OPTN: variants seen among roughly 807,000 people sequenced by gnomAD.
The protein encoded by OPTN is optineurin, also known as E3-14.7K-interacting protein.
Under a neutral mutation model 70.4 loss-of-function variants are expected in OPTN, and 54 were observed. The observed-to-expected ratio is 0.77, with a 90% confidence interval of 0.62 to 0.96. The LOEUF is 0.96. Among genes scored for constraint, OPTN ranks in the 40% least tolerant of loss-of-function variants. The pLI, the probability that OPTN is intolerant of heterozygous loss-of-function variation, is 0.00. For synonymous variants in OPTN, 256 were observed against 248.5 expected, an observed-to-expected ratio of 1.03 and a Z score of -0.28; for missense variants, 624 against 673.2, an observed-to-expected ratio of 0.93 and a Z score of 0.81.
intron 7 of OPTN, among the ~76,000 whole-genome samples, chr10:13,120,444 C>T (rs192350438): frequency 6.6e-6 from 1 of 151,906 alleles, no homozygotes; most frequent in Non-Finnish European, 1.5e-5. Flanking sequence ...GTTGCCTAAC[C>T]CAAGGTCACA....
At chr10:13,132,783 A>C (rs1479680283) in intron 13 of OPTN, among the ~76,000 whole-genome samples, 1 of 152,248 alleles carries the variant, frequency 6.6e-6, no homozygotes. Context: ...AATACTAACA[A>C]AAATTACTTC....
intron 12 of OPTN, among the ~76,000 whole-genome samples, chr10:13,129,554 C>T (rs1436677712): frequency 2.8e-5 from 4 of 142,982 alleles, no homozygotes; most frequent in East Asian, 2.1e-4. Context: ...AGTTTCACCA[C>T]GTTAGCCATG....
intron 1 of OPTN, among the ~76,000 whole-genome samples, chr10:13,103,900 T>C (rs1021735703): frequency 6.6e-6 from 1 of 152,222 alleles, no homozygotes; most frequent in Non-Finnish European, 1.5e-5. Context: ...TAATTCATCC[T>C]TCCATCATTA....
chr10:13,115,106 ATATATAT>A (rs1310084951), intron 5 of OPTN, among the ~76,000 whole-genome samples: 2 of 91,840 alleles, frequency 2.2e-5, no homozygotes, highest in African/African-American at 9.7e-5. Context: ...ATATATTTTT[ATATATAT>A]TATATATATA....
chr10:13,109,506 T>A, intron 3 of OPTN: 1 of 555,174 alleles, frequency 1.8e-6, no homozygotes, highest in Non-Finnish European at 3.2e-6. Flanking sequence ...CTCAAGGAAG[T>A]AGCATAATGA....
intron 3 of OPTN, chr10:13,109,671 T>TA (rs34623086): frequency 0.55 from 71,436 of 130,730 alleles, 18,263 homozygotes; most frequent in Non-Finnish European, 0.58. Flanking sequence ...ACAAAAAAAT[T>TA]AAAAAAAAAA....
intron 4 of OPTN, among the ~76,000 whole-genome samples, chr10:13,111,475 A>T (rs1413921964): frequency 6.6e-6 from 1 of 152,156 alleles, no homozygotes; most frequent in Non-Finnish European, 1.5e-5. Context: ...GGGTGGGCAG[A>T]TCACCTGAGG....
intron 5 of OPTN, among the ~76,000 whole-genome samples, chr10:13,114,843 T>G (rs1418880921): frequency 1.8e-5 from 1 of 54,226 alleles, no homozygotes; most frequent in African/African-American, 6.5e-5. Flanking sequence ...TATAATTATA[T>G]AATTGTATAA....
chr10:13,117,565 C>A (rs1454358886), intron 6 of OPTN, among the ~76,000 whole-genome samples: 3 of 151,516 alleles, frequency 2.0e-5, no homozygotes, highest in Non-Finnish European at 4.4e-5. Flanking sequence ...CCTGCCTCAG[C>A]CTTCCGAGTA....
chr10:13,115,147 TC>T (rs1442193165), intron 5 of OPTN, among the ~76,000 whole-genome samples: 1 of 101,520 alleles, frequency 9.9e-6, no homozygotes, highest in Non-Finnish European at 1.8e-5. Flanking sequence ...TATAGATATA[TC>T]TATATATTTA....
chr10:13,105,193 A>G (rs1588430530), intron 1 of OPTN, among the ~76,000 whole-genome samples: 1 of 152,148 alleles, frequency 6.6e-6, no homozygotes, highest in Non-Finnish European at 1.5e-5. Flanking sequence ...ATGACATTTG[A>G]ATTACAAAAT....
At chr10:13,120,149 A>ATT (rs1348589065) in intron 7 of OPTN, among the ~76,000 whole-genome samples, 2 of 144,754 alleles carry the variant, frequency 1.4e-5, no homozygotes, top group African/African-American at 5.1e-5. Context: ...CGCCCGGCTA[A>ATT]TTTTTTTTTT....
intron 2 of OPTN, among the ~76,000 whole-genome samples, chr10:13,108,620 C>T (rs986185124): frequency 6.6e-6 from 1 of 151,240 alleles, no homozygotes; most frequent in Non-Finnish European, 1.5e-5. Flanking sequence ...GATCTTGGCT[C>T]ACTGCAAGCT....
intron 5 of OPTN, 66 bp downstream of exon 5, chr10:13,112,701 ATAC>A (rs1833035329): frequency 6.8e-7 from 1 of 1,472,142 alleles, no homozygotes; most frequent in Non-Finnish European, 9.5e-7. Flanking sequence ...GATGAAACAA[ATAC>A]CACTTTTTCT....
intron 3 of OPTN, 186 bp from the exon 4 acceptor site, chr10:13,110,088 C>A: frequency 2.0e-6 from 2 of 1,004,960 alleles, no homozygotes; most frequent in Non-Finnish European, 2.8e-6. Flanking sequence ...AAATGATGTT[C>A]ATCCCGCTAG....
rs1237594246 is a variant in OPTN, at chr10:13,137,153, C to G, written c.*287C>G. 26 of 447,472 alleles carry G rather than the reference C, an allele frequency of 5.8e-5. No homozygotes were observed. Among genetic ancestry groups the G allele is most frequent in the Non-Finnish European group, 7.5e-5 (18 of 239,002 alleles). The allele number at this position is 447,472 out of a possible 1,614,324, so 27.7% of individuals were successfully genotyped here. Reference sequence around the variant, plus strand: ...AATTAGCCGAGCATGGTGGCGCATGCCTGTAGTCGCAGCTACTCGCGAGGT... The same window carrying G: ...AATTAGCCGAGCATGGTGGCGCATGGCTGTAGTCGCAGCTACTCGCGAGGT... On this transcript the variant is annotated 3_prime_UTR_variant, in exon 15 of 15. Transcript: ENST00000378747.
At chr10:13,101,090 G>C (rs1385604217) in intron 1 of OPTN, among the ~76,000 whole-genome samples, 3 of 152,210 alleles carry the variant, frequency 2.0e-5, no homozygotes, top group African/African-American at 7.2e-5. Context: ...GGAGAGAAGA[G>C]TTAGTGGTGC....
chr10:13,133,404 G>T, intron 13 of OPTN, 98 bp from the exon 14 acceptor site: 1 of 1,008,144 alleles, frequency 9.9e-7, no homozygotes, highest in Non-Finnish European at 1.6e-6. Flanking sequence ...AGTGTAGTTT[G>T]AGTCTTTTTT....
rs890654826 is a variant in OPTN, at chr10:13,124,028, G to A, written c.916G>A (p.Val306Met). 1.2e-6 allele frequency: 2 copies of A among 1,613,820 alleles called. No individual in the cohort carries two copies. ...GSEVEALNLQVTSLFKELQEA... is the reference protein window; with the variant it reads ...GSEVEALNLQMTSLFKELQEA... The stretch of plus-strand genomic sequence containing the variant: ...CGAAGTGGAAGCACTGAACCTCCAG[G>A]TGACATCTCTGTTTAAGGAGCTTCA... Residue 306 changes from valine to methionine, a missense_variant, in exon 9 of 15, where the codon GTG becomes ATG. Transcript: ENST00000378747.
Sources: gnomAD v4.1 joint callset for allele counts (sites outside exome capture counted in the v4.1 genomes callset) on GRCh38, gnomAD v4.1.1 for gene constraint, MANE v1.5 for transcripts, NCBI Gene and HGNC (gene_info 2026-07-23, HGNC 2026-07-21) for gene names.